The following PDE11A variants were observed in gnomAD, a reference collection of about 807,000 sequenced individuals.
PDE11A encodes phosphodiesterase 11A, also known as dual 3',5'-cyclic-AMP and -GMP phosphodiesterase 11A.
In PDE11A, 100 loss-of-function variants were observed where a neutral mutation model predicts 100.5. The observed-to-expected ratio is 1.00, with a 90% confidence interval of 0.85 to 1.18. The LOEUF is 1.18. Ranked by LOEUF, PDE11A falls within the 50% of genes most tolerant of loss-of-function variation. The pLI, the probability that PDE11A is intolerant of heterozygous loss-of-function variation, is 0.00. For missense variants in PDE11A, 1,141 were observed against 1,152.6 expected (o/e 0.99, Z 0.15); for synonymous variants, 381 against 420.8 (o/e 0.91, Z 1.16).
At chr2:178,061,348 A>T (rs1220858143) in intron 1 of PDE11A, among the ~76,000 whole-genome samples, 1 of 152,176 alleles carries the variant, frequency 6.6e-6, no homozygotes, top group Non-Finnish European at 1.5e-5. Context: ...GATGCTACTA[A>T]ACAACCATCC....
At chr2:177,987,914 G>A (rs1364177241) in intron 2 of PDE11A, among the ~76,000 whole-genome samples, 1 of 152,158 alleles carries the variant, frequency 6.6e-6, no homozygotes, top group Non-Finnish European at 1.5e-5. Context: ...CACTGTCACA[G>A]TCCATGCATT....
chr2:177,749,673 A>G (rs1406808538), intron 10 of PDE11A, among the ~76,000 whole-genome samples: 1 of 152,154 alleles, frequency 6.6e-6, no homozygotes, highest in Non-Finnish European at 1.5e-5. Flanking sequence ...AACACATGTA[A>G]TCTGGCATAT....
chr2:177,896,483 C>T (rs954076660), intron 4 of PDE11A, among the ~76,000 whole-genome samples: 2 of 152,170 alleles, frequency 1.3e-5, no homozygotes, highest in Non-Finnish European at 2.9e-5. Context: ...CAGACCCTCA[C>T]CCCCAGCCAC....
At chr2:177,877,089 T>C (rs72948845) in intron 4 of PDE11A, among the ~76,000 whole-genome samples, 2,059 of 146,986 alleles carry the variant, frequency 0.014, 155 homozygotes, top group Non-Finnish European at 0.02. Context: ...GAACAGACAA[T>C]GACCAGGGAC....
intron 5 of PDE11A, among the ~76,000 whole-genome samples, chr2:177,861,252 T>G (rs751791078): frequency 6.6e-6 from 1 of 151,612 alleles, no homozygotes; most frequent in African/African-American, 2.4e-5. Context: ...GGACATAAGA[T>G]CAATATACAA....
intron 2 of PDE11A, chr2:177,997,417 A>G (rs1195557000): frequency 1.2e-6 from 1 of 827,440 alleles, no homozygotes; most frequent in East Asian, 2.4e-5. Flanking sequence ...GCCCAATCTC[A>G]ACCTTTTATA....
intron 2 of PDE11A, among the ~76,000 whole-genome samples, chr2:178,101,166 C>T (rs1394895792): frequency 6.6e-6 from 1 of 152,196 alleles, no homozygotes; most frequent in African/African-American, 2.4e-5. Flanking sequence ...TAACTGGCTA[C>T]AAATTTGGGG....
chr2:178,080,526 T>C (rs1384244178), intron 2 of PDE11A, among the ~76,000 whole-genome samples: 1 of 152,082 alleles, frequency 6.6e-6, no homozygotes, highest in African/African-American at 2.4e-5. Context: ...CAGATTTTAA[T>C]TTAGGTTTGA....
At chr2:177,908,214 T>C (rs572500185) in intron 2 of PDE11A, among the ~76,000 whole-genome samples, 1 of 152,350 alleles carries the variant, frequency 6.6e-6, no homozygotes, top group South Asian at 2.1e-4. Flanking sequence ...TGACTAAGAC[T>C]AGCACTCCAT....
intron 9 of PDE11A, among the ~76,000 whole-genome samples, chr2:177,792,231 C>A (rs1368282827): frequency 6.6e-6 from 1 of 152,066 alleles, no homozygotes; most frequent in East Asian, 1.9e-4. Context: ...TGCTTATTTG[C>A]TTTTCTCATT....
chr2:178,065,062 G>A (rs1019283922), intron 1 of PDE11A, among the ~76,000 whole-genome samples: 57 of 151,944 alleles, frequency 3.8e-4, no homozygotes, highest in African/African-American at 1.3e-3. Context: ...AATAAATATA[G>A]CCTCAATGCC....
chr2:178,090,606 G>C (rs1359003356), intron 2 of PDE11A, among the ~76,000 whole-genome samples: 1 of 152,086 alleles, frequency 6.6e-6, no homozygotes, highest in East Asian at 1.9e-4. Context: ...CATCCATCAG[G>C]GTTGTATAAA....
intron 10 of PDE11A, among the ~76,000 whole-genome samples, chr2:177,747,796 T>A (rs1036342043): frequency 6.6e-6 from 1 of 152,122 alleles, no homozygotes; most frequent in African/African-American, 2.4e-5. Flanking sequence ...CTCAGCTCAC[T>A]AGGAACAAAC....
At chr2:177,807,920 G>A (rs1035415011) in intron 9 of PDE11A, among the ~76,000 whole-genome samples, 1 of 152,122 alleles carries the variant, frequency 6.6e-6, no homozygotes, top group Admixed American at 6.5e-5. Flanking sequence ...TGTGTCAATA[G>A]CCCTTTTATA....
chr2:177,714,581 A>G (rs538576857), intron 12 of PDE11A, among the ~76,000 whole-genome samples: 1 of 152,192 alleles, frequency 6.6e-6, no homozygotes, highest in Non-Finnish European at 1.5e-5. Flanking sequence ...GCCCTTGAAC[A>G]CTGGCGACGT....
intron 10 of PDE11A, among the ~76,000 whole-genome samples, chr2:177,768,903 T>C (rs1265055525): frequency 6.6e-6 from 1 of 152,210 alleles, no homozygotes; most frequent in Non-Finnish European, 1.5e-5. Context: ...CTTGGTAGTG[T>C]GTCTGGCACA....
At chr2:177,641,129 G>A (rs4470372) in intron 19 of PDE11A, among the ~76,000 whole-genome samples, 93,719 of 152,010 alleles carry the variant, frequency 0.62, 32,683 homozygotes, top group Non-Finnish European at 0.75. Context: ...AGAAACCTGA[G>A]CTTGCCATTC....
At chr2:178,080,471 T>C (rs1343956211) in intron 2 of PDE11A, among the ~76,000 whole-genome samples, 1 of 152,312 alleles carries the variant, frequency 6.6e-6, no homozygotes, top group South Asian at 2.1e-4. Flanking sequence ...TGCAGTCTTA[T>C]TTCTGAGTTC....
At chr2:177,989,752 T>C (rs1182122517) in intron 2 of PDE11A, among the ~76,000 whole-genome samples, 2 of 152,104 alleles carry the variant, frequency 1.3e-5, no homozygotes, top group Non-Finnish European at 2.9e-5. Context: ...CAGCCTCACC[T>C]CATGCCAGAA....
Sources: allele counts gnomAD v4.1 joint callset (sites outside exome capture counted in the v4.1 genomes callset), GRCh38; gene constraint gnomAD v4.1.1; transcripts MANE v1.5; gene names NCBI Gene and HGNC (gene_info 2026-07-23, HGNC 2026-07-21).